The following GLCE variants were observed in gnomAD, a reference collection of about 807,000 sequenced individuals.
GLCE encodes the protein glucuronic acid epimerase.
A neutral mutation model predicts 47.9 loss-of-function variants in GLCE; 19 were observed. That is an observed-to-expected ratio of 0.40 (90% CI 0.28 to 0.58). GLCE has a LOEUF of 0.58. Among genes scored for constraint, GLCE ranks in the 20% least tolerant of loss-of-function variants. GLCE has a pLI of 0.48. For missense variants in GLCE, 556 were observed against 743.3 expected, an observed-to-expected ratio of 0.75 and a Z score of 2.93; for synonymous variants, 245 against 263.4, an observed-to-expected ratio of 0.93 and a Z score of 0.68.
At chr15:69,228,922 A>C (rs116715321) in intron 2 of GLCE, among the ~76,000 whole-genome samples, 4,291 of 152,278 alleles carry the variant, frequency 0.028, 208 homozygotes, top group African/African-American at 0.098. Context: ...TCCTGAGCTC[A>C]AACGATTTGC....
intron 1 of GLCE, among the ~76,000 whole-genome samples, chr15:69,173,197 G>T (rs2140331277): frequency 6.6e-6 from 1 of 152,296 alleles, no homozygotes; most frequent in East Asian, 1.9e-4. Flanking sequence ...GCTTAGTTCT[G>T]TTCTGTTTGC....
intron 2 of GLCE, among the ~76,000 whole-genome samples, chr15:69,248,532 G>GCTTGCTTC (rs1017858069): frequency 6.6e-6 from 1 of 151,962 alleles, no homozygotes; most frequent in East Asian, 1.9e-4. Context: ...TTGCTTGCTT[G>GCTTGCTTC]CTTTCAAGAA....
intron 1 of GLCE, among the ~76,000 whole-genome samples, chr15:69,181,141 T>C (rs188558556): frequency 1.3e-5 from 2 of 152,286 alleles, no homozygotes; most frequent in East Asian, 1.9e-4. Context: ...TTTGCTGTTA[T>C]GGGTAAAACT....
chr15:69,190,385 T>C (rs1160579377), intron 1 of GLCE, among the ~76,000 whole-genome samples: 1 of 152,148 alleles, frequency 6.6e-6, no homozygotes, highest in African/African-American at 2.4e-5. Context: ...TTGAGAGATT[T>C]GTTGAAATCT....
At chr15:69,209,687 C>T (rs1321214211) in intron 1 of GLCE, among the ~76,000 whole-genome samples, 2 of 152,074 alleles carry the variant, frequency 1.3e-5, no homozygotes, top group African/African-American at 4.8e-5. Context: ...TGTCTGTGAT[C>T]TCCCAGTAAT....
chr15:69,209,434 C>CA (rs35701937), intron 1 of GLCE, among the ~76,000 whole-genome samples: 16,340 of 152,022 alleles, frequency 0.11, 1,299 homozygotes, highest in African/African-American at 0.21. Context: ...CAGTTAGAGT[C>CA]ACACTGCAAA....
At chr15:69,213,337 C>A (rs182803067) in intron 2 of GLCE, among the ~76,000 whole-genome samples, 142 of 152,206 alleles carry the variant, frequency 9.3e-4, no homozygotes, top group African/African-American at 3.3e-3. Flanking sequence ...TCCTTAGTCT[C>A]CTCCAATCTG....
intron 2 of GLCE, 40 bp downstream of exon 2, chr15:69,210,446 A>G (rs2052215447): frequency 6.6e-6 from 1 of 152,054 alleles, no homozygotes; most frequent in Non-Finnish European, 1.5e-5. Context: ...CCTTTACTGT[A>G]CGTTTTCAGT....
At chr15:69,200,905 T>G (rs1207052493) in intron 1 of GLCE, among the ~76,000 whole-genome samples, 1 of 152,096 alleles carries the variant, frequency 6.6e-6, no homozygotes, top group Admixed American at 6.6e-5. Context: ...GTTTCCTTGC[T>G]TATATGAGGT....
At chr15:69,238,258 T>C (rs575474622) in intron 2 of GLCE, among the ~76,000 whole-genome samples, 1 of 152,288 alleles carries the variant, frequency 6.6e-6, no homozygotes, top group South Asian at 2.1e-4. Flanking sequence ...CTTATCTAGT[T>C]GGTGTGAAAG....
intron 2 of GLCE, among the ~76,000 whole-genome samples, chr15:69,224,536 A>G (rs2052419586): frequency 6.6e-6 from 1 of 152,124 alleles, no homozygotes; most frequent in Non-Finnish European, 1.5e-5. Context: ...CACCGGGAGG[A>G]GGTGCAACAA....
Position 69,271,658 on chromosome 15 carries a change from GGTTT to G in GLCE, c.*2419_*2422del. 3 of 152,384 alleles carry G rather than the reference GGTTT, an allele frequency of 2.0e-5. No homozygotes were observed. In the Middle Eastern group the frequency reaches 0.01, roughly 518 times the overall value. The allele number at this position is 152,384 out of a possible 1,614,324, so 9.4% of individuals were successfully genotyped here. On this transcript the variant is annotated 3_prime_UTR_variant, in exon 5 of 5. Coordinates refer to ENST00000261858, the MANE Select transcript of GLCE (RefSeq NM_015554.3). ...CTTTGCTTTAAGATTATAGGTATTA[GGTTT>G]GTTTTTGTTTTTCCACTTATCTTGA...
chr15:69,167,692 T>A (rs939089643), intron 1 of GLCE, among the ~76,000 whole-genome samples: 2 of 152,356 alleles, frequency 1.3e-5, no homozygotes, highest in East Asian at 3.9e-4. Flanking sequence ...AGTATAACTT[T>A]AGCAGCTCAG....
At chr15:69,263,589 A>G (rs1405258654) in intron 4 of GLCE, among the ~76,000 whole-genome samples, 1 of 152,132 alleles carries the variant, frequency 6.6e-6, no homozygotes, top group East Asian at 1.9e-4. Flanking sequence ...GAATGAATTG[A>G]AACTTTAGGC....
rs909244342 is a variant in GLCE, at chr15:69,261,192, C to T, written c.692C>T (p.Pro231Leu). 6.2e-7 allele frequency: 1 copy of T among 1,613,990 alleles called. No homozygotes were observed. The highest frequency in any genetic ancestry group is 8.5e-7 in the Non-Finnish European group (1 of 1,179,916). The change falls in exon 4 of 5, where the codon CCT (proline) becomes CTT (leucine). Residue 231 changes from proline (P) to leucine (L), a missense_variant. By Grantham distance (98) the Pro-to-Leu change is moderately conservative. Around this residue, in one of 3 missense-constraint regions of GLCE, gnomAD observed 237 missense variants for 310.9 expected, o/e 0.76. Transcript: ENST00000261858. ...AGCAAGAATCTAACTGAGAAACCTC[C>T]TCACATAGAGGTATATGAAACAGCA... Reference protein sequence around the residue: ...HYSKNLTEKPPHIEVYETAED... With the variant: ...HYSKNLTEKPLHIEVYETAED...
At position 69,160,728 on chromosome 15, in the gene GLCE, C is replaced by G. The variant is rs1471974380; in HGVS notation, c.-134C>G. 6.5e-6 allele frequency: 1 copy of G among 152,786 alleles called. No homozygotes were observed. The highest frequency in any genetic ancestry group is 1.5e-5 in the Non-Finnish European group (1 of 68,200). 9.5% of individuals were successfully genotyped at this position (152,786 alleles called of 1,614,324 possible). A position where few individuals can be genotyped will look rare whatever the true frequency, so the allele number is the denominator to read the frequency against. ...GTCTCCTTCTCTTCCTCAGGGCTCC[C>G]GTGTCTGCTCGCCCTCCGACGCTGC... On this transcript the variant is annotated 5_prime_UTR_variant, in exon 1 of 5. Transcript: ENST00000261858. The surrounding 1 kb of genome is among the most constrained non-coding windows in gnomAD (Gnocchi z 4.2).
At chr15:69,235,305 G>A (rs981312687) in intron 2 of GLCE, among the ~76,000 whole-genome samples, 3 of 151,324 alleles carry the variant, frequency 2.0e-5, no homozygotes, top group East Asian at 1.9e-4. Context: ...ACGAGGTTTC[G>A]CCATGTTGGC....
chr15:69,261,406 T>C, intron 4 of GLCE, 77 bp downstream of exon 4: 2 of 1,415,008 alleles, frequency 1.4e-6, no homozygotes, highest in Non-Finnish European at 9.7e-7. Flanking sequence ...AATTTTAATA[T>C]GGTTTAAAAA....
At chr15:69,207,188 T>C (rs2052164272) in intron 1 of GLCE, among the ~76,000 whole-genome samples, 1 of 152,140 alleles carries the variant, frequency 6.6e-6, no homozygotes, top group African/African-American at 2.4e-5. Flanking sequence ...CATTCATTTA[T>C]AATACAGCCA....
Sources: allele counts gnomAD v4.1 joint callset (sites outside exome capture counted in the v4.1 genomes callset), GRCh38; gene constraint gnomAD v4.1.1; regional missense constraint gnomAD v4.1.1; non-coding constraint Gnocchi (gnomAD v3.1); transcripts MANE v1.5; gene names NCBI Gene and HGNC (gene_info 2026-07-23, HGNC 2026-07-21).